The following CDH18 variants were observed in gnomAD, a reference collection of about 807,000 sequenced individuals.
CDH18 encodes cadherin 18.
A neutral mutation model predicts 67.9 loss-of-function variants in CDH18; 31 were observed. That is an observed-to-expected ratio of 0.46 (90% confidence interval 0.34 to 0.62). CDH18 has a LOEUF of 0.62. Among genes scored for constraint, CDH18 ranks in the 20% least tolerant of loss-of-function variants. The pLI is 0.01. For synonymous variants in CDH18, 362 were observed against 347.2 expected (o/e 1.04, Z -0.48); for missense variants, 890 against 975.5 (o/e 0.91, Z 1.17).
chr5:19,727,922 A>G (rs1479740299), intron 4 of CDH18, among the ~76,000 whole-genome samples: 1 of 152,200 alleles, frequency 6.6e-6, no homozygotes, highest in African/African-American at 2.4e-5. Flanking sequence ...ACTTTAATAA[A>G]GAATTTTATC....
chr5:19,709,499 A>G (rs2030425), intron 5 of CDH18, among the ~76,000 whole-genome samples: 138,148 of 152,000 alleles, frequency 0.91, 64,185 homozygotes, highest in East Asian at 1. Context: ...ACTGGGAGGC[A>G]GAGGCTGCAG....
At chr5:20,426,636 C>T (rs994868362) in intron 1 of CDH18, among the ~76,000 whole-genome samples, 3 of 150,974 alleles carry the variant, frequency 2.0e-5, no homozygotes, top group Non-Finnish European at 2.9e-5. Flanking sequence ...TAAATTAGCC[C>T]GTCAGAGTCC....
At chr5:20,531,940 T>A in intron 1 of CDH18, among the ~76,000 whole-genome samples, 1 of 152,116 alleles carries the variant, frequency 6.6e-6, no homozygotes, top group East Asian at 1.9e-4. Context: ...ATATAGTAAG[T>A]TCATATATTT....
Position 19,553,035 on chromosome 5 carries a change from A to C in CDH18, c.1254-9030T>G, listed in dbSNP as rs1737743743. 3.3e-5 allele frequency among the ~76,000 whole-genome samples: 5 copies of C among 152,206 alleles called. No individual in the cohort carries two copies. In the South Asian group the frequency reaches 1.0e-3, roughly 31 times the overall value. On this transcript the variant is annotated intron_variant, in intron 8 of 12. Coordinates refer to ENST00000382275, the MANE Select transcript of CDH18 (RefSeq NM_004934.5). ...ATTAGTACTTCAGGGACCAAAAAAC[A>C]GACAGAAAATTTATGACCATAGTAA...
intron 2 of CDH18, among the ~76,000 whole-genome samples, chr5:19,978,923 C>A (rs1032370029): frequency 1.8e-4 from 28 of 152,092 alleles, no homozygotes; most frequent in African/African-American, 6.5e-4. Flanking sequence ...GTAATATAAT[C>A]ACAAGTTACA....
chr5:20,414,850 G>C (rs1393308603), intron 1 of CDH18, among the ~76,000 whole-genome samples: 2 of 152,232 alleles, frequency 1.3e-5, no homozygotes, highest in African/African-American at 4.8e-5. Context: ...ATGTTGCTGA[G>C]GGTCTAGAGA....
intron 7 of CDH18, among the ~76,000 whole-genome samples, chr5:19,579,483 T>C (rs1413404020): frequency 6.6e-6 from 1 of 151,802 alleles, no homozygotes. Context: ...AGTGACCACC[T>C]CCATTCTTAT....
chr5:20,079,565 G>C (rs1375624420), intron 2 of CDH18, among the ~76,000 whole-genome samples: 1 of 152,068 alleles, frequency 6.6e-6, no homozygotes. Flanking sequence ...ATTCCCCTGG[G>C]CATATATTCA....
intron 2 of CDH18, among the ~76,000 whole-genome samples, chr5:20,086,888 C>T (rs1018588774): frequency 1.3e-5 from 2 of 152,100 alleles, no homozygotes; most frequent in Non-Finnish European, 2.9e-5. Context: ...TTCTGCAGCT[C>T]ATGGGTCAAG....
intron 2 of CDH18, among the ~76,000 whole-genome samples, chr5:20,006,114 T>C (rs1388665805): frequency 1.3e-5 from 2 of 151,338 alleles, no homozygotes; most frequent in African/African-American, 4.9e-5. Flanking sequence ...TGGAAGGGGG[T>C]AAGTATATAG....
At chr5:19,572,921 T>C (rs1250043873) in intron 7 of CDH18, among the ~76,000 whole-genome samples, 13 of 152,142 alleles carry the variant, frequency 8.5e-5, no homozygotes, top group Non-Finnish European at 1.0e-4. Context: ...CCAATTTTTC[T>C]GAATTGCCTT....
intron 1 of CDH18, among the ~76,000 whole-genome samples, chr5:20,554,535 T>G (rs904545603): frequency 9.2e-5 from 14 of 152,220 alleles, no homozygotes; most frequent in African/African-American, 1.4e-4. Flanking sequence ...ATGACATTTT[T>G]AGAAATTACC....
chr5:20,237,388 A>AT (rs1742558664), intron 2 of CDH18, among the ~76,000 whole-genome samples: 1 of 151,814 alleles, frequency 6.6e-6, no homozygotes, highest in Admixed American at 6.6e-5. Flanking sequence ...ATAAAAAGTT[A>AT]TTTTTTTCCA....
intron 2 of CDH18, among the ~76,000 whole-genome samples, chr5:19,974,182 A>G (rs1162639668): frequency 1.3e-5 from 2 of 152,112 alleles, no homozygotes; most frequent in Admixed American, 1.3e-4. Context: ...TCAGACTGGT[A>G]CAAATGGGAT....
chr5:19,847,822 A>C (rs538944239), intron 2 of CDH18, among the ~76,000 whole-genome samples: 8 of 152,056 alleles, frequency 5.3e-5, no homozygotes, highest in Non-Finnish European at 1.2e-4. Flanking sequence ...TCCTAATTAG[A>C]GGAATCTTCT....
intron 1 of CDH18, among the ~76,000 whole-genome samples, chr5:20,519,941 GCTTTTTTTTTTTTTTTTTTTTTTTT>G (rs2126516823): frequency 1.3e-5 from 1 of 75,930 alleles, no homozygotes; most frequent in African/African-American, 5.9e-5. Flanking sequence ...CACAGTCTTG[GCTTTTTTTTTTTTTTTTTTTTTTTT>G]TTTTTTTTTT....
intron 3 of CDH18, among the ~76,000 whole-genome samples, chr5:19,834,218 A>G (rs969657294): frequency 2.0e-5 from 3 of 148,614 alleles, no homozygotes; most frequent in Admixed American, 6.7e-5. Context: ...TTTTTGGTCT[A>G]TTCAGGGACT....
At chr5:20,095,129 G>A (rs1745777230) in intron 2 of CDH18, among the ~76,000 whole-genome samples, 2 of 151,696 alleles carry the variant, frequency 1.3e-5, no homozygotes, top group South Asian at 4.2e-4. Flanking sequence ...CACAGGGAGG[G>A]GAACATCACA....
At chr5:20,033,735 G>A (rs1373153054) in intron 2 of CDH18, among the ~76,000 whole-genome samples, 3 of 151,930 alleles carry the variant, frequency 2.0e-5, no homozygotes, top group Admixed American at 6.6e-5. Flanking sequence ...AGCACTTTTA[G>A]TACATATAAA....
Sources: gnomAD v4.1 joint callset for allele counts (sites outside exome capture counted in the v4.1 genomes callset) on GRCh38, gnomAD v4.1.1 for gene constraint, MANE v1.5 for transcripts, NCBI Gene and HGNC (gene_info 2026-07-23, HGNC 2026-07-21) for gene names.